DIAPH3: variants seen among roughly 807,000 people sequenced by gnomAD.
The protein encoded by DIAPH3 is diaphanous related formin 3, also known as protein diaphanous homolog 3.
In DIAPH3, 117 loss-of-function variants were observed where a neutral mutation model predicts 144.3. The observed-to-expected ratio is 0.81, with a 90% CI of 0.70 to 0.95. The LOEUF (loss-of-function observed/expected upper bound fraction) is 0.95. Ranked by LOEUF, DIAPH3 falls within the 40% of genes least tolerant of loss-of-function variation. The pLI, the probability that DIAPH3 is intolerant of heterozygous loss-of-function variation, is 0.00. For synonymous variants in DIAPH3, 519 were observed against 488.9 expected (o/e 1.06, Z -0.81); for missense variants, 1,421 against 1,412.7 (o/e 1.01, Z -0.09).
intron 27 of DIAPH3, among the ~76,000 whole-genome samples, chr13:59,773,545 G>C (rs1484962557): frequency 6.6e-6 from 1 of 152,070 alleles, no homozygotes; most frequent in Non-Finnish European, 1.5e-5. Flanking sequence ...ATAACACAGA[G>C]GGAAAAAAAC....
intron 27 of DIAPH3, among the ~76,000 whole-genome samples, chr13:59,722,447 A>G (rs1207466774): frequency 6.6e-6 from 1 of 152,182 alleles, no homozygotes; most frequent in African/African-American, 2.4e-5. Flanking sequence ...GACCCCATGC[A>G]GTTTGGATGT....
chr13:60,126,152 A>G (rs1157282325), intron 2 of DIAPH3, among the ~76,000 whole-genome samples: 9 of 152,160 alleles, frequency 5.9e-5, no homozygotes, highest in African/African-American at 1.7e-4. Flanking sequence ...TACCGAGGGA[A>G]AGAATAGTAG....
intron 27 of DIAPH3, among the ~76,000 whole-genome samples, chr13:59,704,960 T>G (rs893884089): frequency 1.3e-5 from 2 of 152,120 alleles, no homozygotes; most frequent in Non-Finnish European, 2.9e-5. Context: ...CCCTCAAAAA[T>G]GTGAAAAGAA....
At chr13:59,927,151 G>C (rs1046074294) in intron 17 of DIAPH3, among the ~76,000 whole-genome samples, 4 of 152,184 alleles carry the variant, frequency 2.6e-5, no homozygotes, top group African/African-American at 9.6e-5. Flanking sequence ...TGCACACTTT[G>C]ACTTTTCATT....
intron 25 of DIAPH3, among the ~76,000 whole-genome samples, chr13:59,778,675 A>G (rs1419165569): frequency 1.3e-5 from 2 of 152,204 alleles, no homozygotes; most frequent in Non-Finnish European, 2.9e-5. Flanking sequence ...ACTCCCCATT[A>G]TCTCCTGAAC....
chr13:59,732,786 C>T (rs1328675679), intron 27 of DIAPH3, among the ~76,000 whole-genome samples: 1 of 152,008 alleles, frequency 6.6e-6, no homozygotes, highest in African/African-American at 2.4e-5. Flanking sequence ...AGGTACCTCT[C>T]AAGTTTTAGG....
At chr13:60,076,075 T>A (rs2057369174) in intron 4 of DIAPH3, among the ~76,000 whole-genome samples, 1 of 152,230 alleles carries the variant, frequency 6.6e-6, no homozygotes, top group Admixed American at 6.5e-5. Context: ...GACCAATGTT[T>A]TGGCACAAGT....
intron 27 of DIAPH3, among the ~76,000 whole-genome samples, chr13:59,765,123 A>G (rs949018467): frequency 6.6e-6 from 1 of 152,168 alleles, no homozygotes; most frequent in Non-Finnish European, 1.5e-5. Context: ...CTATTTTAAA[A>G]ACAAAATTCT....
At chr13:59,813,461 A>C (rs1406472356) in intron 24 of DIAPH3, among the ~76,000 whole-genome samples, 1 of 152,042 alleles carries the variant, frequency 6.6e-6, no homozygotes, top group Admixed American at 6.6e-5. Context: ...GTAAGTTGCA[A>C]GATTTGAAAG....
chr13:59,825,812 C>T (rs1057037720), intron 24 of DIAPH3, among the ~76,000 whole-genome samples: 32 of 152,020 alleles, frequency 2.1e-4, no homozygotes, highest in Non-Finnish European at 2.9e-5. Context: ...TTTCATGTGT[C>T]TTTTGGCTGC....
intron 3 of DIAPH3, among the ~76,000 whole-genome samples, chr13:60,106,365 CTA>C (rs1017461270): frequency 5.3e-5 from 8 of 152,044 alleles, no homozygotes; most frequent in Admixed American, 2.0e-4. Flanking sequence ...GCTGGAAAAA[CTA>C]TGTGGAAAAA....
At chr13:59,934,343 T>C (rs1345956521) in intron 17 of DIAPH3, among the ~76,000 whole-genome samples, 1 of 152,162 alleles carries the variant, frequency 6.6e-6, no homozygotes, top group East Asian at 1.9e-4. Flanking sequence ...AAATTACCTT[T>C]CTAAATAGAC....
At chr13:59,904,085 A>C (rs776160922) in intron 20 of DIAPH3, among the ~76,000 whole-genome samples, 2 of 152,294 alleles carry the variant, frequency 1.3e-5, no homozygotes, top group Non-Finnish European at 2.9e-5. Flanking sequence ...AAAGCTCCCC[A>C]AAGAGGCTTC....
intron 2 of DIAPH3, among the ~76,000 whole-genome samples, chr13:60,117,606 A>G (rs1254296256): frequency 2.0e-5 from 3 of 152,180 alleles, no homozygotes; most frequent in South Asian, 4.1e-4. Flanking sequence ...CTATCAAATC[A>G]TTTTACATGT....
intron 25 of DIAPH3, among the ~76,000 whole-genome samples, chr13:59,775,950 A>C (rs1414387349): frequency 2.4e-4 from 36 of 152,194 alleles, no homozygotes; most frequent in Admixed American, 2.4e-3. Context: ...AGAACAGGAG[A>C]AAAAGCTTCA....
In DIAPH3 at chr13:59,716,665, G is replaced by A. The variant is rs191434207; in HGVS notation, c.3320-49819C>T. Among the ~76,000 whole-genome samples the A allele has an allele frequency of 1.6e-4, 24 of 152,202 alleles. 1 individual carries two copies. Among genetic ancestry groups the A allele is most frequent in the Middle Eastern group, 3.4e-3 (1 of 294 alleles). On this transcript the variant is annotated intron_variant, in intron 27 of 27. Transcript: ENST00000400324. ...ACCTCCATTTTACAAATATGAAACT[G>A]AATGTAAGACGGCTTAAATAACTCA... is the stretch of plus-strand genomic sequence containing the variant.
chr13:60,065,537 G>A (rs1246309959), intron 4 of DIAPH3, among the ~76,000 whole-genome samples: 1 of 152,060 alleles, frequency 6.6e-6, no homozygotes, highest in South Asian at 2.1e-4. Context: ...TTTGTCAAAA[G>A]AAAAATGAAT....
chr13:59,937,274 C>A (rs1437431470), intron 17 of DIAPH3, among the ~76,000 whole-genome samples: 1 of 151,908 alleles, frequency 6.6e-6, no homozygotes, highest in Non-Finnish European at 1.5e-5. Context: ...ATTACAAAAC[C>A]AACTCTGAAA....
chr13:59,831,560 T>C (rs896528852), intron 24 of DIAPH3, among the ~76,000 whole-genome samples: 2 of 151,950 alleles, frequency 1.3e-5, no homozygotes, highest in Admixed American at 1.3e-4. Context: ...ATAGACTGCC[T>C]GGAAGACTAA....
Sources: allele counts gnomAD v4.1 joint callset (sites outside exome capture counted in the v4.1 genomes callset), GRCh38; gene constraint gnomAD v4.1.1; transcripts MANE v1.5; gene names NCBI Gene and HGNC (gene_info 2026-07-23, HGNC 2026-07-21).